GALNT13: variants seen among roughly 807,000 people sequenced by gnomAD.
GALNT13 encodes the protein polypeptide N-acetylgalactosaminyltransferase 13.
In GALNT13, 28 loss-of-function variants were observed where a neutral mutation model predicts 64.2. The ratio of observed to expected loss-of-function variants is 0.44; its 90% CI spans 0.32 to 0.60. The LOEUF (loss-of-function observed/expected upper bound fraction) is 0.60. Among genes scored for constraint, GALNT13 ranks in the 20% least tolerant of loss-of-function variants. The probability of loss-of-function intolerance (pLI) is 0.05; values close to 1 mark genes in which losing one functional copy is unlikely to be tolerated. For synonymous variants in GALNT13, 214 were observed against 224.6 expected, an observed-to-expected ratio of 0.95 and a Z score of 0.42; for missense variants, 577 against 669.8, an observed-to-expected ratio of 0.86 and a Z score of 1.53.
At chr2:153,952,762 CG>C (rs34481736) in intron 3 of GALNT13, among the ~76,000 whole-genome samples, 30,679 of 151,972 alleles carry the variant, frequency 0.2, 4,046 homozygotes, top group Middle Eastern at 0.33. Flanking sequence ...AAAGCCAGTC[CG>C]AGTCCCAAAA....
At chr2:153,120,091 A>G in the GALNT13 span, among the ~76,000 whole-genome samples, 64 of 152,334 alleles carry the variant, frequency 4.2e-4, no homozygotes, top group African/African-American at 1.4e-3. Flanking sequence ...GTGTGTTAAT[A>G]TATTAAGAAG....
chr2:153,758,834 C>T, the GALNT13 span, among the ~76,000 whole-genome samples: 1 of 152,158 alleles, frequency 6.6e-6, no homozygotes, highest in Admixed American at 6.6e-5. Context: ...TCAAGTGATC[C>T]ACCCATGTCA....
chr2:153,481,926 T>A, the GALNT13 span, among the ~76,000 whole-genome samples: 121 of 152,288 alleles, frequency 7.9e-4, no homozygotes, highest in Non-Finnish European at 1.4e-3. Flanking sequence ...GCAAGCTTTT[T>A]AAAAAATAAA....
At chr2:154,001,632 A>G (rs1033114086) in intron 3 of GALNT13, among the ~76,000 whole-genome samples, 1 of 151,998 alleles carries the variant, frequency 6.6e-6, no homozygotes, top group Non-Finnish European at 1.5e-5. Context: ...TATCTCTTAA[A>G]CAATTATGGT....
At chr2:153,777,581 C>G in the GALNT13 span, among the ~76,000 whole-genome samples, 63,504 of 152,026 alleles carry the variant, frequency 0.42, 14,309 homozygotes, top group African/African-American at 0.58. Flanking sequence ...CATTTCTCTT[C>G]TACTCACATT....
At chr2:153,281,499 G>A in the GALNT13 span, among the ~76,000 whole-genome samples, 1 of 152,116 alleles carries the variant, frequency 6.6e-6, no homozygotes, top group Admixed American at 6.5e-5. Flanking sequence ...AACTAAGTGT[G>A]TTTATGTGGC....
At chr2:153,752,813 T>C in the GALNT13 span, among the ~76,000 whole-genome samples, 3 of 152,166 alleles carry the variant, frequency 2.0e-5, no homozygotes, top group African/African-American at 4.8e-5. Context: ...TTCTCTGTTA[T>C]TATATATTGG....
chr2:153,797,593 G>A, the GALNT13 span, among the ~76,000 whole-genome samples: 1 of 152,148 alleles, frequency 6.6e-6, no homozygotes, highest in Non-Finnish European at 1.5e-5. Context: ...GGCTTAATGT[G>A]TTTCCCTGAA....
At chr2:154,239,258 T>A (rs572862931) in intron 4 of GALNT13, among the ~76,000 whole-genome samples, 2 of 152,242 alleles carry the variant, frequency 1.3e-5, no homozygotes, top group African/African-American at 4.8e-5. Context: ...TTTAAATCAT[T>A]TAATTGTTGG....
chr2:154,325,534 T>A (rs1694833565), intron 9 of GALNT13, among the ~76,000 whole-genome samples: 1 of 152,182 alleles, frequency 6.6e-6, no homozygotes, highest in Non-Finnish European at 1.5e-5. Context: ...CTTGTACTTT[T>A]TACTTATATT....
At chr2:153,772,072 T>C in the GALNT13 span, among the ~76,000 whole-genome samples, 1 of 152,188 alleles carries the variant, frequency 6.6e-6, no homozygotes, top group African/African-American at 2.4e-5. Flanking sequence ...GTCTTGTGAC[T>C]GGAGAGAGCT....
chr2:153,869,722 T>C (rs1335412245), upstream of GALNT13, among the ~76,000 whole-genome samples: 1 of 152,208 alleles, frequency 6.6e-6, no homozygotes, highest in Non-Finnish European at 1.5e-5. Context: ...ATTAAGGATC[T>C]ATAGTATATT....
chr2:153,256,538 G>T, the GALNT13 span, among the ~76,000 whole-genome samples: 32 of 152,308 alleles, frequency 2.1e-4, no homozygotes, highest in East Asian at 5.8e-3. Context: ...AGGAGGAGAG[G>T]CGCTCTGCTT....
chr2:153,712,686 CA>C, the GALNT13 span, among the ~76,000 whole-genome samples: 1 of 152,110 alleles, frequency 6.6e-6, no homozygotes, highest in African/African-American at 2.4e-5. Context: ...TTCAAATTCA[CA>C]AGCAACTTTG....
rs542901204 is a variant in GALNT13 at position 154,040,701 on chromosome 2, AT to A, written c.142+96070del. Among the ~76,000 whole-genome samples, 74 of 139,936 alleles carry A rather than the reference AT, an allele frequency of 5.3e-4. 1 individual carries two copies. The highest frequency in any genetic ancestry group is 1.8e-3 in the African/African-American group (74 of 40,870). 91.8% of individuals were successfully genotyped at this position (139,936 alleles called of 152,430 possible). ...ATGATATTGCTTATTTGGGAAGCAGATTTTTTTTGCCTTTTCTATATCAGAA... is the reference window on the plus strand; with the variant it reads ...ATGATATTGCTTATTTGGGAAGCAGATTTTTTTGCCTTTTCTATATCAGAA... On this transcript the variant is annotated intron_variant, in intron 3 of 12. Coordinates refer to ENST00000392825, the MANE Select transcript of GALNT13 (RefSeq NM_052917.4).
the GALNT13 span, among the ~76,000 whole-genome samples, chr2:153,237,706 C>T: frequency 6.6e-6 from 1 of 151,844 alleles, no homozygotes; most frequent in Non-Finnish European, 1.5e-5. Flanking sequence ...TGTATATGTA[C>T]CATATTTTCT....
At chr2:153,604,211 G>A in the GALNT13 span, among the ~76,000 whole-genome samples, 11 of 152,096 alleles carry the variant, frequency 7.2e-5, no homozygotes, top group South Asian at 2.3e-3. Flanking sequence ...TCACCCTCTG[G>A]CCACAACATT....
the GALNT13 span, among the ~76,000 whole-genome samples, chr2:153,156,312 A>G: frequency 7.9e-5 from 12 of 152,188 alleles, no homozygotes; most frequent in African/African-American, 2.9e-4. Flanking sequence ...TCAAATCAGA[A>G]ACACATAGTT....
intron 10 of GALNT13, among the ~76,000 whole-genome samples, chr2:154,405,294 G>A (rs1344289485): frequency 1.3e-5 from 2 of 151,652 alleles, no homozygotes; most frequent in East Asian, 3.9e-4. Context: ...AATACCGAGA[G>A]CATGCCATAA....
Sources: gnomAD v4.1 joint callset for allele counts (sites outside exome capture counted in the v4.1 genomes callset) on GRCh38, gnomAD v4.1.1 for gene constraint, MANE v1.5 for transcripts, NCBI Gene and HGNC (gene_info 2026-07-23, HGNC 2026-07-21) for gene names.